Variants in MMP16 observed in about 807,000 individuals in gnomAD.
MMP16 encodes matrix metalloproteinase-16.
MMP16 carries 12 observed loss-of-function variants against 67.8 expected under a neutral mutation model. The observed-to-expected ratio is 0.18, with a 90% CI of 0.11 to 0.29. The LOEUF (loss-of-function observed/expected upper bound fraction) is 0.29. Among genes scored for constraint, MMP16 ranks in the 10% least tolerant of loss-of-function variants. MMP16 has a pLI of 1.00. For missense variants in MMP16, 475 were observed against 765.7 expected (o/e 0.62, Z 4.48); for synonymous variants, 249 against 255.9 (o/e 0.97, Z 0.26).
intron 1 of MMP16, among the ~76,000 whole-genome samples, chr8:88,233,575 G>A (rs546420571): frequency 6.6e-6 from 1 of 152,278 alleles, no homozygotes; most frequent in African/African-American, 2.4e-5. Flanking sequence ...CAGATACAAA[G>A]TCATTTTGTT....
chr8:88,123,081 T>A (rs1260214166), intron 4 of MMP16, among the ~76,000 whole-genome samples: 3 of 151,934 alleles, frequency 2.0e-5, no homozygotes, highest in Admixed American at 1.3e-4. Context: ...TGTGAGATAA[T>A]AAATTGTTGT....
chr8:88,162,466 T>C (rs916147856), intron 4 of MMP16, among the ~76,000 whole-genome samples: 1 of 152,102 alleles, frequency 6.6e-6, no homozygotes, highest in Admixed American at 6.6e-5. Flanking sequence ...ATTTTTAGAA[T>C]TTAAAATCTT....
chr8:88,255,022 A>G (rs1810279980), intron 1 of MMP16, among the ~76,000 whole-genome samples: 2 of 152,178 alleles, frequency 1.3e-5, no homozygotes, highest in African/African-American at 4.8e-5. Context: ...TTTAAAAAAC[A>G]TGGGAAAAAA....
intron 6 of MMP16, among the ~76,000 whole-genome samples, chr8:88,082,786 A>G (rs995207617): frequency 6.6e-6 from 1 of 151,544 alleles, no homozygotes; most frequent in African/African-American, 2.4e-5. Flanking sequence ...ATTTTTTTTT[A>G]TTTTTATTAA....
At chr8:88,074,884 C>G in intron 6 of MMP16, 141 bp from the exon 7 acceptor site, 1 of 1,113,668 alleles carries the variant, frequency 9.0e-7, no homozygotes, top group Non-Finnish European at 1.3e-6. Flanking sequence ...AAGAGCTAAA[C>G]AACTTGACCG....
intron 6 of MMP16, among the ~76,000 whole-genome samples, chr8:88,109,253 G>A (rs1455594305): frequency 6.6e-6 from 1 of 151,160 alleles, no homozygotes; most frequent in Non-Finnish European, 1.5e-5. Context: ...GTGGTTTAGG[G>A]AGTCTTTCTT....
At chr8:88,115,008 G>A (rs564022215) in intron 6 of MMP16, among the ~76,000 whole-genome samples, 1 of 152,012 alleles carries the variant, frequency 6.6e-6, no homozygotes, top group South Asian at 2.1e-4. Context: ...TGTTGAAAGC[G>A]ATCACTAGAT....
In MMP16 at chr8:88,197,274, C is replaced by T. The variant is rs775243884; in HGVS notation, c.165G>A (p.Pro55=). 14 of 1,584,460 alleles carry T rather than the reference C, an allele frequency of 8.8e-6. No individual in the cohort carries two copies. The highest frequency in any genetic ancestry group is 3.7e-5 in the Admixed American group (2 of 53,922). ...VWLQKYGYLP[P]TDPRMSVLRS... is the part of the protein sequence containing the mutation. ...GCAGCACTGACATTCTGGGGTCAGT[C>T]GGTGGAAGGTAGCCGTACTTTTGTA... The change falls in exon 2 of 10, where the codon CCG becomes CCA. Residue 55 remains proline (P), a synonymous_variant. Transcript: ENST00000286614.
At chr8:88,216,778 C>T (rs1203245630) in intron 1 of MMP16, among the ~76,000 whole-genome samples, 1 of 152,068 alleles carries the variant, frequency 6.6e-6, no homozygotes, top group Non-Finnish European at 1.5e-5. Flanking sequence ...CAGTTTGTCC[C>T]ATTAATTATA....
At chr8:88,243,908 A>T (rs1810070874) in intron 1 of MMP16, among the ~76,000 whole-genome samples, 1 of 152,170 alleles carries the variant, frequency 6.6e-6, no homozygotes, top group African/African-American at 2.4e-5. Context: ...ACAGCCATTC[A>T]TTTGAGTCAA....
chr8:88,189,492 A>G (rs1388979314), intron 2 of MMP16, among the ~76,000 whole-genome samples: 3 of 152,010 alleles, frequency 2.0e-5, no homozygotes, highest in Non-Finnish European at 4.4e-5. Flanking sequence ...TCTACCCTCA[A>G]AATGTCTCTT....
intron 1 of MMP16, among the ~76,000 whole-genome samples, chr8:88,277,729 T>A (rs1810669610): frequency 6.6e-6 from 1 of 152,218 alleles, no homozygotes; most frequent in South Asian, 2.1e-4. Context: ...TGATCTCTAC[T>A]AAGCCTGCAC....
At chr8:88,146,630 T>G (rs1487578218) in intron 4 of MMP16, among the ~76,000 whole-genome samples, 4 of 151,978 alleles carry the variant, frequency 2.6e-5, no homozygotes, top group Non-Finnish European at 5.9e-5. Context: ...GTACACTTAG[T>G]ATTTGTAAAT....
At chr8:88,213,426 C>G (rs1809542002) in intron 1 of MMP16, among the ~76,000 whole-genome samples, 1 of 151,948 alleles carries the variant, frequency 6.6e-6, no homozygotes, top group South Asian at 2.1e-4. Flanking sequence ...TTTAATGTTA[C>G]TAATATATTC....
At chr8:88,238,585 GA>G (rs1393611421) in intron 1 of MMP16, among the ~76,000 whole-genome samples, 2 of 146,206 alleles carry the variant, frequency 1.4e-5, no homozygotes, top group East Asian at 4.2e-4. Flanking sequence ...AGAATCGCTT[GA>G]ACACAGGAGG....
intron 6 of MMP16, among the ~76,000 whole-genome samples, chr8:88,105,918 T>C (rs1049652032): frequency 4.0e-5 from 6 of 151,112 alleles, no homozygotes; most frequent in Admixed American, 1.3e-4. Context: ...AATTTTATCA[T>C]CCAGAGGTAA....
At chr8:88,091,210 A>G (rs1808929026) in intron 6 of MMP16, among the ~76,000 whole-genome samples, 1 of 151,842 alleles carries the variant, frequency 6.6e-6, no homozygotes, top group African/African-American at 2.4e-5. Flanking sequence ...GTTTTGCAAT[A>G]TTTTAACACT....
At chr8:88,225,340 C>T (rs1419749827) in intron 1 of MMP16, among the ~76,000 whole-genome samples, 1 of 151,954 alleles carries the variant, frequency 6.6e-6, no homozygotes, top group East Asian at 1.9e-4. Context: ...CCATGTTCTT[C>T]TCTTACCATT....
intron 7 of MMP16, among the ~76,000 whole-genome samples, chr8:88,060,665 T>C (rs1263706671): frequency 6.6e-6 from 1 of 152,100 alleles, no homozygotes. Context: ...TACCGGCATT[T>C]ACCTTCATCT....
Sources: allele counts gnomAD v4.1 joint callset (sites outside exome capture counted in the v4.1 genomes callset), GRCh38; gene constraint gnomAD v4.1.1; transcripts MANE v1.5; gene names NCBI Gene and HGNC (gene_info 2026-07-23, HGNC 2026-07-21).